Variants in MAP3K13 observed in about 807,000 individuals in gnomAD.
The protein encoded by MAP3K13 is mitogen-activated protein kinase kinase kinase 13.
Under a neutral mutation model 104.0 loss-of-function variants are expected in MAP3K13, and 52 were observed. That is an observed-to-expected ratio of 0.50 (90% CI 0.40 to 0.63). The LOEUF is 0.63. Ranked by LOEUF, MAP3K13 falls within the 20% of genes least tolerant of loss-of-function variation. The pLI is 0.00. For synonymous variants in MAP3K13, 394 were observed against 442.2 expected, an observed-to-expected ratio of 0.89 and a Z score of 1.37; for missense variants, 914 against 1,218.5, an observed-to-expected ratio of 0.75 and a Z score of 3.72.
chr3:185,335,410 C>T (rs1053339254), intron 2 of MAP3K13, among the ~76,000 whole-genome samples: 2 of 152,132 alleles, frequency 1.3e-5, no homozygotes, highest in South Asian at 2.1e-4. Flanking sequence ...GTGATTACAC[C>T]CCATCCCCTA....
At chr3:185,416,983 A>G (rs1268410598) in intron 1 of MAP3K13, among the ~76,000 whole-genome samples, 1 of 152,106 alleles carries the variant, frequency 6.6e-6, no homozygotes, top group Admixed American at 6.6e-5. Context: ...TTTGGGTTTA[A>G]TAATAATTTT....
Position 185,423,748 on chromosome 3 carries a change from A to G in MAP3K13, c.-85-4749A>G, listed in dbSNP as rs1714262866. On this transcript the variant is annotated intron_variant, in intron 1 of 13. Coordinates refer to ENST00000265026, the MANE Select transcript of MAP3K13 (RefSeq NM_004721.5). This position sits in a 1 kb window ranked among gnomAD's most constrained non-coding sequence, Gnocchi z 4.1. ...AGGAGGGAAGAATCACCTGCACTGT[A>G]TCGTAAGCTTTCAGAGCCCACGTGT... Among the ~76,000 whole-genome samples, 1 of 152,178 alleles carries G rather than the reference A, an allele frequency of 6.6e-6. No individual in the cohort carries two copies. The highest frequency in any genetic ancestry group is 2.1e-4 in the South Asian group (1 of 4,824).
At chr3:185,372,908 A>G (rs1046183578) in intron 1 of MAP3K13, among the ~76,000 whole-genome samples, 1 of 152,206 alleles carries the variant, frequency 6.6e-6, no homozygotes, top group African/African-American at 2.4e-5. Flanking sequence ...AGTCACTCCA[A>G]GGGAATACCT....
chr3:185,344,967 A>G (rs1459030742), intron 2 of MAP3K13, among the ~76,000 whole-genome samples: 1 of 151,102 alleles, frequency 6.6e-6, no homozygotes, highest in African/African-American at 2.4e-5. Flanking sequence ...GGTTCAAATG[A>G]TTCTCCTGCC....
chr3:185,310,311 G>T lies in MAP3K13; in HGVS notation c.-86+24668G>T, dbSNP rs1235915119. 9.2e-5 allele frequency among the ~76,000 whole-genome samples: 14 copies of T among 152,046 alleles called. 1 individual carries two copies. ...CCAGGAATAACTATTCTTTCCTTCA[G>T]TTTATACTGTTATTCTATGGACAAT... On this transcript the variant is annotated intron_variant, in intron 2 of 14. Transcript: ENST00000424227.
chr3:185,367,015 A>G (rs984299622), intron 1 of MAP3K13, among the ~76,000 whole-genome samples: 9 of 152,176 alleles, frequency 5.9e-5, no homozygotes, highest in Admixed American at 5.2e-4. Flanking sequence ...TCAAGGTCAT[A>G]AAGATTTACT....
intron 7 of MAP3K13, among the ~76,000 whole-genome samples, chr3:185,455,235 GATATATATATGAT>G (rs1560118785): frequency 5.6e-4 from 39 of 70,158 alleles, no homozygotes; most frequent in African/African-American, 1.8e-3. Context: ...ATATATATGA[GATATATATATGAT>G]ATATATGAGA....
intron 2 of MAP3K13, among the ~76,000 whole-genome samples, chr3:185,325,142 G>C (rs530165375): frequency 6.6e-6 from 1 of 152,170 alleles, no homozygotes; most frequent in South Asian, 2.1e-4. Context: ...GGCTGAAAAG[G>C]TTACTTACTA....
rs529708724 is a variant in MAP3K13 at position 185,323,608 on chromosome 3, C to T, written c.-86+37965C>T. Among the ~76,000 whole-genome samples, 4 of 152,156 alleles carry T rather than the reference C, an allele frequency of 2.6e-5. No individual in the cohort carries two copies. The East Asian group carries it at 7.7e-4, about 29-fold the overall frequency. On this transcript the variant is annotated intron_variant, in intron 2 of 14. Transcript: ENST00000424227. ...TCGGCCTCCCAAAGTGCTGGGATTC[C>T]AGGCGTGAGCCACCGTGCCTGGCCA...
chr3:185,330,152 C>T (rs994136389), intron 2 of MAP3K13, among the ~76,000 whole-genome samples: 3 of 150,472 alleles, frequency 2.0e-5, no homozygotes, highest in Non-Finnish European at 4.4e-5. Context: ...CCACCCGCCT[C>T]GGCCTCCCAA....
chr3:185,421,022 A>G (rs1714086905), intron 1 of MAP3K13, among the ~76,000 whole-genome samples: 1 of 152,156 alleles, frequency 6.6e-6, no homozygotes, highest in Non-Finnish European at 1.5e-5. Flanking sequence ...GAAGGTAGGG[A>G]AAGTGTTCCT....
At chr3:185,383,523 C>T (rs1295982068) in intron 1 of MAP3K13, among the ~76,000 whole-genome samples, 1 of 148,772 alleles carries the variant, frequency 6.7e-6, no homozygotes, top group African/African-American at 2.5e-5. Context: ...GATCGTGCCA[C>T]TGCACTCCAG....
intron 1 of MAP3K13, among the ~76,000 whole-genome samples, chr3:185,390,825 G>A (rs868052472): frequency 7.3e-5 from 11 of 151,620 alleles, no homozygotes; most frequent in Non-Finnish European, 1.3e-4. Flanking sequence ...GGTTTACCAT[G>A]TTGGCCAGGA....
At position 185,440,434 on chromosome 3, in the gene MAP3K13, T is replaced by C. The variant is rs139180301; in HGVS notation, c.659+2804T>C. Among the ~76,000 whole-genome samples the C allele has an allele frequency of 4.6e-5, 7 of 152,320 alleles. No individual in the cohort carries two copies. In the East Asian group the frequency reaches 1.3e-3, roughly 29 times the overall value. ...TGTTGATATACTTAAGCATATTACA[T>C]TATACCTGCCGTATTTATTAGTTCT... is the stretch of plus-strand genomic sequence containing the variant. On this transcript the variant is annotated intron_variant, in intron 3 of 13. Transcript: ENST00000265026.
intron 1 of MAP3K13, among the ~76,000 whole-genome samples, chr3:185,378,999 G>A (rs1724574427): frequency 6.6e-6 from 1 of 152,208 alleles, no homozygotes; most frequent in Non-Finnish European, 1.5e-5. Context: ...AAGGGAAAAG[G>A]AGGAATGAAG....
At chr3:185,412,733 G>T (rs1713522733) in intron 1 of MAP3K13, among the ~76,000 whole-genome samples, 1 of 152,124 alleles carries the variant, frequency 6.6e-6, no homozygotes, top group African/African-American at 2.4e-5. Flanking sequence ...CACTAATTTG[G>T]CTTTAGTTAC....
intron 2 of MAP3K13, among the ~76,000 whole-genome samples, chr3:185,345,847 C>G (rs764412251): frequency 1.3e-5 from 2 of 152,062 alleles, no homozygotes; most frequent in Non-Finnish European, 2.9e-5. Flanking sequence ...CATCCCGCCC[C>G]CTAAATCCAT....
chr3:185,380,730 C>T (rs953173449), intron 1 of MAP3K13, among the ~76,000 whole-genome samples: 1 of 152,116 alleles, frequency 6.6e-6, no homozygotes, highest in Non-Finnish European at 1.5e-5. Context: ...AAATTCTGAT[C>T]GCTTGGCCTG....
At chr3:185,368,662 A>G (rs1175038126) in intron 1 of MAP3K13, among the ~76,000 whole-genome samples, 1 of 152,140 alleles carries the variant, frequency 6.6e-6, no homozygotes, top group African/African-American at 2.4e-5. Context: ...AGGGAATGAT[A>G]GAAAAGATGA....
Sources: allele counts gnomAD v4.1 joint callset (sites outside exome capture counted in the v4.1 genomes callset), GRCh38; gene constraint gnomAD v4.1.1; non-coding constraint Gnocchi (gnomAD v3.1); transcripts MANE v1.5; gene names NCBI Gene and HGNC (gene_info 2026-07-23, HGNC 2026-07-21).